Variants in OTUD7A observed in about 807,000 individuals in gnomAD.
OTUD7A encodes OTU deubiquitinase 7A, also known as OTU domain-containing protein 7A.
Under a neutral mutation model 65.7 loss-of-function variants are expected in OTUD7A, and 12 were observed. The observed-to-expected ratio is 0.18, with a 90% CI of 0.12 to 0.30. The LOEUF (loss-of-function observed/expected upper bound fraction) is 0.30, where lower values mean the gene tolerates loss of function less well. Among genes scored for constraint, OTUD7A ranks in the 10% least tolerant of loss-of-function variants. The pLI is 1.00. For synonymous variants in OTUD7A, 641 were observed against 586.3 expected, an observed-to-expected ratio of 1.09 and a Z score of -1.35; for missense variants, 1,148 against 1,304.8, an observed-to-expected ratio of 0.88 and a Z score of 1.85.
chr15:31,710,675 A>G (rs886903163), intron 1 of OTUD7A, among the ~76,000 whole-genome samples: 14 of 152,228 alleles, frequency 9.2e-5, no homozygotes, highest in African/African-American at 3.4e-4. Flanking sequence ...CTTGGCCTAC[A>G]CTGCTGTTCA....
chr15:31,510,419 G>A (rs1398003637), intron 8 of OTUD7A, among the ~76,000 whole-genome samples: 1 of 150,408 alleles, frequency 6.6e-6, no homozygotes, highest in Non-Finnish European at 1.5e-5. Context: ...ACTGGCAGGA[G>A]TGGAGCTTAG....
intron 1 of OTUD7A, among the ~76,000 whole-genome samples, chr15:31,819,725 C>T (rs1896633314): frequency 6.6e-6 from 1 of 151,530 alleles, no homozygotes; most frequent in Non-Finnish European, 1.5e-5. Context: ...ATATATTATA[C>T]AGGTAACATA....
Position 31,559,149 on chromosome 15 carries a change from C to G in OTUD7A, c.370G>C (p.Ala124Pro), listed in dbSNP as rs1327330068. Residue 124 changes from alanine to proline, a missense_variant, in exon 5 of 13, where the codon GCC becomes CCC. Physicochemically the swap from Ala to Pro is conservative, Grantham distance 27. This residue lies in a region of OTUD7A where 134 missense variants were observed against 252.6 expected (regional missense o/e 0.53). Coordinates refer to ENST00000307050, the MANE Select transcript of OTUD7A (RefSeq NM_001382637.1). ...TGGGACCGGGCCAGGGAGACGATGGCTGAGCTGGCGTGGGAAATCCCCCGG... is the reference window on the plus strand; with the variant it reads ...TGGGACCGGGCCAGGGAGACGATGGGTGAGCTGGCGTGGGAAATCCCCCGG... ...LSRGISHASS[A>P]IVSLARSHVA... 1 of 1,614,106 alleles carries G rather than the reference C, an allele frequency of 6.2e-7. No individual in the cohort carries two copies. The highest frequency in any genetic ancestry group is 1.1e-5 in the South Asian group (1 of 91,072).
chr15:31,610,617 AT>A (rs58099939), intron 3 of OTUD7A, among the ~76,000 whole-genome samples: 10 of 30,562 alleles, frequency 3.3e-4, no homozygotes, highest in African/African-American at 6.8e-4. Flanking sequence ...ATATATATAT[AT>A]TTTTTTTTTT....
At chr15:31,822,452 C>T (rs1896705970) in intron 1 of OTUD7A, among the ~76,000 whole-genome samples, 2 of 152,204 alleles carry the variant, frequency 1.3e-5, no homozygotes, top group South Asian at 4.1e-4. Context: ...GAAATTCGAC[C>T]AGCGTACCTA....
intron 5 of OTUD7A, among the ~76,000 whole-genome samples, chr15:31,547,343 T>C (rs916347272): frequency 5.9e-5 from 9 of 152,364 alleles, no homozygotes; most frequent in Non-Finnish European, 1.2e-4. Flanking sequence ...TAATATATGC[T>C]TTAACATCAC....
At chr15:31,732,410 T>C (rs577274136) in intron 1 of OTUD7A, among the ~76,000 whole-genome samples, 1 of 152,358 alleles carries the variant, frequency 6.6e-6, no homozygotes, top group African/African-American at 2.4e-5. Context: ...GGCCTCCTAG[T>C]TGTGATTTGA....
At chr15:31,624,778 C>G (rs182872227) in intron 3 of OTUD7A, among the ~76,000 whole-genome samples, 1 of 152,256 alleles carries the variant, frequency 6.6e-6, no homozygotes, top group Admixed American at 6.5e-5. Context: ...TCAGGATGTT[C>G]TGACTGGCTT....
intron 1 of OTUD7A, among the ~76,000 whole-genome samples, chr15:31,673,057 G>A (rs1038458399): frequency 1.3e-5 from 2 of 152,200 alleles, no homozygotes; most frequent in Non-Finnish European, 2.9e-5. Context: ...CTCAATTTAT[G>A]ATGGGGTTAT....
intron 1 of OTUD7A, among the ~76,000 whole-genome samples, chr15:31,671,048 A>G (rs1415838162): frequency 6.6e-6 from 1 of 152,150 alleles, no homozygotes; most frequent in Non-Finnish European, 1.5e-5. Flanking sequence ...ACCTGACAAC[A>G]GCTTCCTTTG....
chr15:31,654,034 A>T (rs1891916849), intron 3 of OTUD7A, among the ~76,000 whole-genome samples: 1 of 98,790 alleles, frequency 1.0e-5, no homozygotes, highest in Admixed American at 1.2e-4. Flanking sequence ...CCTATATCTC[A>T]TAGTTGATAA....
intron 5 of OTUD7A, chr15:31,555,851 T>TTTTTTTTTTTTCA (rs1555396061): frequency 9.7e-6 from 1 of 103,436 alleles, no homozygotes; most frequent in South Asian, 2.9e-4. Context: ...GTTCTTTTTC[T>TTTTTTTTTTTTCA]TTTTTTTTTT....
intron 3 of OTUD7A, among the ~76,000 whole-genome samples, chr15:31,619,383 A>C (rs1052851410): frequency 1.3e-5 from 2 of 152,118 alleles, no homozygotes; most frequent in African/African-American, 4.8e-5. Flanking sequence ...CCATTTGACG[A>C]TATTGATTCT....
intron 1 of OTUD7A, among the ~76,000 whole-genome samples, chr15:31,785,674 C>T (rs1451066945): frequency 6.6e-6 from 1 of 152,160 alleles, no homozygotes; most frequent in Non-Finnish European, 1.5e-5. Context: ...TCCTGCTGTA[C>T]CCCAACCAGT....
At position 31,543,257 on chromosome 15, in the gene OTUD7A, A is replaced by G. The variant is rs181284491; in HGVS notation, c.551-12449T>C. ...TTAATTTGAGATGTGATTCATACGCATATTTTAGGGGTAAACTCTTAATAA... is the reference window on the plus strand; with the variant it reads ...TTAATTTGAGATGTGATTCATACGCGTATTTTAGGGGTAAACTCTTAATAA... On this transcript the variant is annotated intron_variant, in intron 5 of 12. Transcript: ENST00000307050. 5.3e-5 allele frequency among the ~76,000 whole-genome samples: 8 copies of G among 152,030 alleles called. No homozygotes were observed. In the East Asian group the frequency reaches 1.3e-3, roughly 26 times the overall value.
chr15:31,751,660 A>G (rs1894639036), intron 1 of OTUD7A, among the ~76,000 whole-genome samples: 1 of 152,224 alleles, frequency 6.6e-6, no homozygotes, highest in South Asian at 2.1e-4. Context: ...CATGGAATCA[A>G]CCTAGATGCC....
At chr15:31,762,271 A>C (rs562476129) in intron 1 of OTUD7A, among the ~76,000 whole-genome samples, 2 of 152,188 alleles carry the variant, frequency 1.3e-5, no homozygotes, top group Non-Finnish European at 1.5e-5. Flanking sequence ...AGGGAGGGGA[A>C]TTCTCCTCTC....
At chr15:31,510,536 C>T (rs62004091) in intron 8 of OTUD7A, among the ~76,000 whole-genome samples, 27,751 of 64,744 alleles carry the variant, frequency 0.43, 5,442 homozygotes, top group African/African-American at 0.57. Context: ...ATGTAACATA[C>T]ATATGTATAT....
chr15:31,530,703 T>G lies in OTUD7A; in HGVS notation c.652+4A>C. On this transcript the variant is annotated splice_donor_region_variant and intron_variant, in intron 6 of 12. Transcript: ENST00000307050. ...CCACCCTCTGTCTGTGCTGTGGAGC[T>G]TACCCAGTGAAGCAGCATGTAAAAG... 6.2e-7 allele frequency: 1 copy of G among 1,613,818 alleles called. No homozygotes were observed. Among genetic ancestry groups the G allele is most frequent in the Non-Finnish European group, 8.5e-7 (1 of 1,179,766 alleles).
Sources: gnomAD v4.1 joint callset for allele counts (sites outside exome capture counted in the v4.1 genomes callset) on GRCh38, gnomAD v4.1.1 for gene constraint, gnomAD v4.1.1 regional missense constraint, MANE v1.5 for transcripts, NCBI Gene and HGNC (gene_info 2026-07-23, HGNC 2026-07-21) for gene names.